The following PTK2 variants were observed in gnomAD, a reference collection of about 807,000 sequenced individuals.
PTK2 encodes focal adhesion kinase 1.
Under a neutral mutation model 150.1 loss-of-function variants are expected in PTK2, and 45 were observed. The ratio of observed to expected loss-of-function variants is 0.30; its 90% CI spans 0.24 to 0.38. The LOEUF (loss-of-function observed/expected upper bound fraction) is 0.38. PTK2 is among the 10% of genes least tolerant of loss of function. PTK2 has a pLI of 1.00. For missense variants in PTK2, 919 were observed against 1,307.3 expected, an observed-to-expected ratio of 0.70 and a Z score of 4.58; for synonymous variants, 432 against 449.2, an observed-to-expected ratio of 0.96 and a Z score of 0.48.
intron 1 of PTK2, among the ~76,000 whole-genome samples, chr8:140,962,748 C>A (rs1340511346): frequency 6.6e-6 from 1 of 151,708 alleles, no homozygotes; most frequent in African/African-American, 2.4e-5. Flanking sequence ...GCCACTGCAC[C>A]CCAGCCTGGG....
intron 5 of PTK2, among the ~76,000 whole-genome samples, chr8:140,862,322 CT>C (rs2100136671): frequency 6.6e-6 from 1 of 152,040 alleles, no homozygotes; most frequent in South Asian, 2.1e-4. Flanking sequence ...GTTATTTAAA[CT>C]CTCTTGTTAT....
Position 140,668,256 on chromosome 8 carries a change from G to T in PTK2, c.2865+13C>A, listed in dbSNP as rs748022396. 1 of 1,613,860 alleles carries T rather than the reference G, an allele frequency of 6.2e-7. No homozygotes were observed. The highest frequency in any genetic ancestry group is 1.1e-5 in the South Asian group (1 of 91,046). The stretch of plus-strand genomic sequence containing the variant: ...GAACATTTTTGCCAGTACACAAAAT[G>T]ACTCTATTTTACCTTCACCATAGGG... On this transcript the variant is annotated intron_variant, in intron 30 of 31. Coordinates refer to ENST00000522684, the Ensembl canonical transcript of PTK2.
intron 1 of PTK2, among the ~76,000 whole-genome samples, chr8:140,929,579 T>C (rs1279082474): frequency 1.3e-5 from 2 of 152,160 alleles, no homozygotes; most frequent in Admixed American, 6.5e-5. Context: ...GAGGCTCACA[T>C]ACACAAGTAA....
chr8:140,662,834 T>C, intron 31 of PTK2: 1 of 478,406 alleles, frequency 2.1e-6, no homozygotes, highest in Non-Finnish European at 3.9e-6. Flanking sequence ...AACAAATGTT[T>C]ATAGGATATC....
chr8:140,860,636 C>T (rs1027093806), intron 5 of PTK2, among the ~76,000 whole-genome samples: 4 of 152,270 alleles, frequency 2.6e-5, no homozygotes, highest in Middle Eastern at 3.4e-3. Flanking sequence ...CCATGCTCTG[C>T]TAATCTTTTT....
intron 4 of PTK2, among the ~76,000 whole-genome samples, chr8:140,877,306 T>C (rs1051525017): frequency 4.6e-5 from 7 of 152,180 alleles, no homozygotes; most frequent in African/African-American, 9.7e-5. Flanking sequence ...AGTGCTGGGA[T>C]TGCAGATGTG....
At chr8:140,816,809 C>G (rs187839580) in intron 10 of PTK2, among the ~76,000 whole-genome samples, 2 of 152,170 alleles carry the variant, frequency 1.3e-5, no homozygotes, top group African/African-American at 4.8e-5. Flanking sequence ...AAACTGCCAT[C>G]CAATGAGTGC....
chr8:140,690,326 A>G (rs1227308039), intron 26 of PTK2, among the ~76,000 whole-genome samples: 3 of 152,090 alleles, frequency 2.0e-5, no homozygotes, highest in Non-Finnish European at 4.4e-5. Context: ...TCACAGGCAC[A>G]ATCATAGTGC....
At chr8:140,779,942 G>A (rs2100080732) in intron 14 of PTK2, among the ~76,000 whole-genome samples, 1 of 152,130 alleles carries the variant, frequency 6.6e-6, no homozygotes, top group Non-Finnish European at 1.5e-5. Flanking sequence ...CCAACCTGGG[G>A]TGGTCATGGG....
At chr8:140,817,893 A>T (rs193211966) in intron 10 of PTK2, among the ~76,000 whole-genome samples, 7 of 152,122 alleles carry the variant, frequency 4.6e-5, no homozygotes, top group African/African-American at 1.2e-4. Flanking sequence ...TTGTGAATGT[A>T]TAATTTTTTT....
At chr8:140,819,064 G>A in intron 8 of PTK2, 44 bp from the exon 9 acceptor site, 2 of 1,597,248 alleles carry the variant, frequency 1.3e-6, no homozygotes, top group Non-Finnish European at 1.7e-6. Flanking sequence ...AATCAGCAAT[G>A]AGTAAAGACC....
chr8:140,668,958 G>A (rs1296401946), intron 29 of PTK2: 1 of 154,100 alleles, frequency 6.5e-6, no homozygotes, highest in Non-Finnish European at 1.4e-5. Context: ...ACTTTAAGGG[G>A]ATAGCATCTG....
At chr8:140,664,692 G>T (rs2152788065) in intron 31 of PTK2, among the ~76,000 whole-genome samples, 1 of 152,272 alleles carries the variant, frequency 6.6e-6, no homozygotes, top group South Asian at 2.1e-4. Flanking sequence ...GAAGACCCAG[G>T]ATCTGGAATT....
At chr8:140,785,516 A>C (rs1420923257) in intron 14 of PTK2, among the ~76,000 whole-genome samples, 2 of 152,164 alleles carry the variant, frequency 1.3e-5, no homozygotes, top group African/African-American at 4.8e-5. Context: ...TACTCAGGAA[A>C]GCTTTCTATG....
chr8:140,687,984 C>T (rs1450964907), intron 26 of PTK2, among the ~76,000 whole-genome samples: 2 of 152,164 alleles, frequency 1.3e-5, no homozygotes, highest in African/African-American at 4.8e-5. Flanking sequence ...TAAAGGAGCT[C>T]CTGATGGCTA....
At chr8:140,761,193 T>C (rs1423442775) in exon 16 of PTK2, 1 of 1,611,900 alleles carries the variant, frequency 6.2e-7, no homozygotes, top group African/African-American at 1.3e-5. Context: ...TTGATGTACA[T>C]CTCCAAATTG....
At chr8:140,992,290 T>TA (rs2100196008) in intron 1 of PTK2, among the ~76,000 whole-genome samples, 1 of 94,766 alleles carries the variant, frequency 1.1e-5, no homozygotes, top group Non-Finnish European at 2.5e-5. Context: ...AGACTTCATC[T>TA]CGGAAAAAAA....
chr8:140,759,553 A>AAG, intron 16 of PTK2, among the ~76,000 whole-genome samples: 1 of 133,354 alleles, frequency 7.5e-6, no homozygotes, highest in Non-Finnish European at 1.6e-5. Context: ...AAAAAAAAAA[A>AAG]AGAAAGAAAG....
At chr8:140,910,527 T>A (rs2100162701) in intron 2 of PTK2, among the ~76,000 whole-genome samples, 1 of 152,184 alleles carries the variant, frequency 6.6e-6, no homozygotes, top group East Asian at 1.9e-4. Context: ...AAAATCAGAA[T>A]ATTAAGGGAC....
Sources: gnomAD v4.1 joint callset for allele counts (sites outside exome capture counted in the v4.1 genomes callset) on GRCh38, gnomAD v4.1.1 for gene constraint, MANE v1.5 for transcripts, NCBI Gene and HGNC (gene_info 2026-07-23, HGNC 2026-07-21) for gene names.